Variants in PRH1 observed in about 807,000 individuals in gnomAD.
PRH1 encodes the protein proline rich protein HaeIII subfamily 1.
A neutral mutation model predicts 7.9 loss-of-function variants in PRH1; 7 were observed. The observed-to-expected ratio is 0.89, with a 90% CI of 0.50 to 1.67. The LOEUF is 1.67. Among genes scored for constraint, PRH1 ranks in the 40% most tolerant of loss-of-function variants. The pLI is 0.00. For missense variants in PRH1, 109 were observed against 223.6 expected (o/e 0.49, Z 3.27); for synonymous variants, 45 against 80.8 (o/e 0.56, Z 2.38).
intron 1 of PRH1, among the ~76,000 whole-genome samples, chr12:11,072,580 G>C (rs1160307332): frequency 6.6e-6 from 1 of 152,236 alleles, no homozygotes; most frequent in Admixed American, 6.5e-5. Context: ...CAAAACACTT[G>C]AAAGTTACAG....
At chr12:11,078,186 A>C in intron 1 of PRH1, 2 of 519,944 alleles carry the variant, frequency 3.8e-6, no homozygotes, top group East Asian at 5.4e-5. Flanking sequence ...AAAAATTTCC[A>C]AGAACAAATG....
At chr12:10,972,347 G>T (rs1938855215) in intron 2 of PRH1, among the ~76,000 whole-genome samples, 1 of 152,118 alleles carries the variant, frequency 6.6e-6, no homozygotes, top group Non-Finnish European at 1.5e-5. Context: ...TAATATTTTT[G>T]ATGCTTTTAA....
At chr12:11,015,541 T>C (rs537959544) in intron 1 of PRH1, among the ~76,000 whole-genome samples, 5 of 152,290 alleles carry the variant, frequency 3.3e-5, no homozygotes, top group African/African-American at 1.2e-4. Flanking sequence ...TTGCCTCCAG[T>C]AAACCAGATA....
At chr12:11,001,195 T>A (rs12581501) in intron 1 of PRH1, among the ~76,000 whole-genome samples, 7 of 151,632 alleles carry the variant, frequency 4.6e-5, no homozygotes, top group African/African-American at 7.3e-5. Flanking sequence ...TGTTGATGAG[T>A]CTTCACCACA....
chr12:11,106,247 A>T (rs1945411221), intron 1 of PRH1, among the ~76,000 whole-genome samples: 1 of 152,204 alleles, frequency 6.6e-6, no homozygotes, highest in East Asian at 1.9e-4. Flanking sequence ...GCCATAACTT[A>T]TTCTTAAGAA....
At chr12:11,029,151 TTCATC>T (rs1233227016) in intron 1 of PRH1, among the ~76,000 whole-genome samples, 2 of 139,124 alleles carry the variant, frequency 1.4e-5, no homozygotes, top group Non-Finnish European at 3.2e-5. Context: ...GGGGGGATGA[TTCATC>T]TTAAGGTTTA....
chr12:11,105,160 A>C (rs1158500870), intron 1 of PRH1, among the ~76,000 whole-genome samples: 1 of 152,080 alleles, frequency 6.6e-6, no homozygotes, highest in Non-Finnish European at 1.5e-5. Context: ...AGTAAGGGAA[A>C]TTTCAGGATT....
intron 2 of PRH1, among the ~76,000 whole-genome samples, chr12:10,933,282 G>C (rs1005922186): frequency 3.3e-5 from 5 of 151,916 alleles, no homozygotes; most frequent in African/African-American, 1.2e-4. Flanking sequence ...CATTATAGTA[G>C]TTAATATCTA....
intron 1 of PRH1, among the ~76,000 whole-genome samples, chr12:10,977,704 G>C (rs1439560569): frequency 1.3e-5 from 2 of 152,086 alleles, no homozygotes; most frequent in Non-Finnish European, 2.9e-5. Context: ...AACAAACTCA[G>C]CAAATTCTCA....
intron 2 of PRH1, among the ~76,000 whole-genome samples, chr12:10,910,883 G>A (rs966203685): frequency 6.6e-6 from 1 of 152,048 alleles, no homozygotes; most frequent in African/African-American, 2.4e-5. Context: ...AATCTTTATT[G>A]GGTGATCTAC....
Position 11,168,420 on chromosome 12 carries a change from G to GAAA in PRH1, n.39+3001_39+3002insTTT, listed in dbSNP as rs1565726810. The stretch of plus-strand genomic sequence containing the variant: ...AGAAAGAAAGAAAGAAAGAAAGAAA[G>GAAA]GAAAAGAAAAGAAAAGAAAAAAGAA... On this transcript the variant is annotated intron_variant and non_coding_transcript_variant, in intron 1 of 1. Coordinates refer to the PRH1 transcript ENST00000541175. Among the ~76,000 whole-genome samples, 31 of 124,132 alleles carry GAAA rather than the reference G, an allele frequency of 2.5e-4. 2 individuals are homozygous for GAAA. The highest frequency in any genetic ancestry group is 8.2e-4 in the African/African-American group (27 of 33,102). 81.4% of individuals were successfully genotyped at this position (124,132 alleles called of 152,430 possible).
intron 1 of PRH1, among the ~76,000 whole-genome samples, chr12:11,146,314 T>C (rs1414583382): frequency 1.3e-5 from 2 of 152,094 alleles, no homozygotes; most frequent in African/African-American, 4.8e-5. Context: ...CTTAGCATAA[T>C]AAACTACTCT....
At chr12:10,989,632 ACAGT>A (rs1477916087) in intron 1 of PRH1, among the ~76,000 whole-genome samples, 1 of 152,200 alleles carries the variant, frequency 6.6e-6, no homozygotes, top group Non-Finnish European at 1.5e-5. Flanking sequence ...ACCACTTTAT[ACAGT>A]CAAAATTTAT....
At chr12:11,121,952 TATAA>T (rs1311043721) in intron 1 of PRH1, among the ~76,000 whole-genome samples, 16 of 152,170 alleles carry the variant, frequency 1.1e-4, no homozygotes, top group Non-Finnish European at 1.6e-4. Context: ...TGTTCTTAAT[TATAA>T]ATAGAGATAA....
chr12:11,096,668 A>T (rs576863453), intron 1 of PRH1, among the ~76,000 whole-genome samples: 1 of 115,060 alleles, frequency 8.7e-6, no homozygotes, highest in East Asian at 2.1e-4. Context: ...ATCACCACAA[A>T]CTCTTTTCAC....
At chr12:11,160,538 T>C (rs1947383332) in intron 1 of PRH1, among the ~76,000 whole-genome samples, 1 of 152,256 alleles carries the variant, frequency 6.6e-6, no homozygotes, top group South Asian at 2.1e-4. Context: ...TGGCACAATC[T>C]CAGCTCACTG....
chr12:11,091,846 G>A, intron 1 of PRH1: 1 of 1,470,470 alleles, frequency 6.8e-7, no homozygotes, highest in Non-Finnish European at 9.5e-7. Flanking sequence ...TCACCAGAAT[G>A]ACACTCTTAA....
At chr12:11,016,484 TA>T (rs1216551913) in intron 1 of PRH1, among the ~76,000 whole-genome samples, 1 of 152,186 alleles carries the variant, frequency 6.6e-6, no homozygotes, top group African/African-American at 2.4e-5. Context: ...CATGCCAAAC[TA>T]ATTTTTTGTT....
At chr12:11,032,268 T>C (rs907743459) in intron 1 of PRH1, among the ~76,000 whole-genome samples, 4 of 152,200 alleles carry the variant, frequency 2.6e-5, no homozygotes, top group African/African-American at 7.2e-5. Flanking sequence ...TCAATATATA[T>C]ATCATATAGT....
Sources: gnomAD v4.1 joint callset for allele counts (sites outside exome capture counted in the v4.1 genomes callset) on GRCh38, gnomAD v4.1.1 for gene constraint, MANE v1.5 for transcripts, NCBI Gene and HGNC (gene_info 2026-07-23, HGNC 2026-07-21) for gene names.